RFFL: variants seen among roughly 807,000 people sequenced by gnomAD.
RFFL encodes the protein E3 ubiquitin-protein ligase rififylin.
A neutral mutation model predicts 40.4 loss-of-function variants in RFFL; 16 were observed. The ratio of observed to expected loss-of-function variants is 0.40; its 90% CI spans 0.27 to 0.60. The LOEUF (loss-of-function observed/expected upper bound fraction) is 0.60, where lower values mean the gene tolerates loss of function less well. RFFL is among the 20% of genes least tolerant of loss of function. The probability of loss-of-function intolerance (pLI) is 0.47; values close to 1 mark genes in which losing one functional copy is unlikely to be tolerated. For synonymous variants in RFFL, 154 were observed against 167.9 expected, an observed-to-expected ratio of 0.92 and a Z score of 0.64; for missense variants, 367 against 451.7, an observed-to-expected ratio of 0.81 and a Z score of 1.70.
At chr17:35,056,147 AG>A (rs1415927338) in intron 1 of RFFL, among the ~76,000 whole-genome samples, 2 of 152,052 alleles carry the variant, frequency 1.3e-5, no homozygotes, top group African/African-American at 4.8e-5. Context: ...GCCACACATC[AG>A]ACAGCACACT....
chr17:35,035,982 C>T (rs2091119577), intron 1 of RFFL, among the ~76,000 whole-genome samples: 1 of 152,034 alleles, frequency 6.6e-6, no homozygotes, highest in African/African-American at 2.4e-5. Context: ...GAATTACAGG[C>T]ATGAGCACCA....
At chr17:35,072,212 C>G (rs1236284652) in intron 1 of RFFL, among the ~76,000 whole-genome samples, 1 of 149,288 alleles carries the variant, frequency 6.7e-6, no homozygotes, top group Non-Finnish European at 1.5e-5. Flanking sequence ...GCTAGAGAGG[C>G]AGAGGTTGCA....
rs561917807 is a variant in RFFL at position 35,038,285 on chromosome 17, T to C, written c.-8-11724A>G. On this transcript the variant is annotated intron_variant, in intron 1 of 6. Coordinates refer to ENST00000394597, the MANE Select transcript of RFFL (RefSeq NM_001017368.2). ...GCCTGGATGACAGAGCAAAACTGTC[T>C]CAAAAAAAAAAAAAAAAAAAAGGAA... Among the ~76,000 whole-genome samples the C allele has an allele frequency of 1.1e-3, 53 of 49,218 alleles. No homozygotes were observed. In the South Asian group the frequency reaches 0.028, roughly 26 times the overall value. 32.3% of individuals were successfully genotyped at this position (49,218 alleles called of 152,430 possible).
chr17:35,076,546 T>C, intron 1 of RFFL, among the ~76,000 whole-genome samples: 1 of 151,704 alleles, frequency 6.6e-6, no homozygotes, highest in Non-Finnish European at 1.5e-5. Context: ...GGTGTGGTGA[T>C]GCATGCCTAT....
intron 1 of RFFL, among the ~76,000 whole-genome samples, chr17:35,043,450 TGAG>T (rs1268731118): frequency 1.3e-5 from 2 of 152,196 alleles, no homozygotes; most frequent in African/African-American, 4.8e-5. Context: ...CATGGGCTCA[TGAG>T]GATTAAATGT....
intron 1 of RFFL, among the ~76,000 whole-genome samples, chr17:35,081,101 G>A (rs797993): frequency 0.2 from 29,860 of 151,970 alleles, 3,462 homozygotes; most frequent in Admixed American, 0.27. Flanking sequence ...TTAGAGGAGA[G>A]GACAATGAAG....
At chr17:35,038,900 T>TTA (rs1308150512) in intron 1 of RFFL, among the ~76,000 whole-genome samples, 1 of 152,292 alleles carries the variant, frequency 6.6e-6, no homozygotes, top group African/African-American at 2.4e-5. Context: ...AATTAAAAGT[T>TTA]TATATGAGTG....
chr17:35,013,083 G>A (rs1161880319), intron 6 of RFFL, among the ~76,000 whole-genome samples: 1 of 152,188 alleles, frequency 6.6e-6, no homozygotes, highest in Non-Finnish European at 1.5e-5. Flanking sequence ...ACTCACTGAA[G>A]CCTCACAAAA....
chr17:35,065,996 A>G (rs538746945), upstream of RFFL, among the ~76,000 whole-genome samples: 61 of 152,210 alleles, frequency 4.0e-4, 1 homozygote, highest in South Asian at 0.012. Flanking sequence ...ATGGTGGCAT[A>G]CACCTCTAAC....
chr17:35,086,476 C>T lies in RFFL; in HGVS notation c.-9+2629G>A, dbSNP rs1597848641. ...TGGTTGACAAGAGTGAGACCCCCAT[C>T]TCAATTAAAAAAAAAAAAAAAGACT... On this transcript the variant is annotated intron_variant, in intron 1 of 6. Transcript: ENST00000315249. Among the ~76,000 whole-genome samples the T allele has an allele frequency of 9.3e-5, 5 of 53,954 alleles. No individual in the cohort carries two copies. In the South Asian group the frequency reaches 4.6e-3, roughly 50 times the overall value. The allele number at this position is 53,954 out of a possible 152,430, so 35.4% of individuals were successfully genotyped here.
At chr17:35,059,432 T>C (rs1216100912) in intron 1 of RFFL, among the ~76,000 whole-genome samples, 1 of 152,082 alleles carries the variant, frequency 6.6e-6, no homozygotes, top group Non-Finnish European at 1.5e-5. Flanking sequence ...CCTTCTTGGA[T>C]CCTCCAGCTC....
At chr17:35,048,130 C>T (rs540746390) in intron 1 of RFFL, among the ~76,000 whole-genome samples, 5 of 151,934 alleles carry the variant, frequency 3.3e-5, no homozygotes, top group Non-Finnish European at 5.9e-5. Flanking sequence ...GGGCCGGGCA[C>T]GGTGGCTCAT....
intron 1 of RFFL, among the ~76,000 whole-genome samples, chr17:35,048,267 C>A (rs1193043632): frequency 1.3e-5 from 2 of 151,720 alleles, no homozygotes; most frequent in East Asian, 4.0e-4. Flanking sequence ...CCGGGAGTGG[C>A]GGTGTGCACC....
intron 1 of RFFL, among the ~76,000 whole-genome samples, chr17:35,050,661 CAAAAAAA>C (rs1433147326): frequency 1.4e-5 from 1 of 73,866 alleles, no homozygotes; most frequent in African/African-American, 5.2e-5. Context: ...CCAGGCTCTA[CAAAAAAA>C]AAAAAAAAAT....
Position 35,087,160 on chromosome 17 carries a change from G to C in RFFL, c.-9+1945C>G, listed in dbSNP as rs954633300. 1.7e-4 allele frequency among the ~76,000 whole-genome samples: 26 copies of C among 152,070 alleles called. 1 individual carries two copies. Among genetic ancestry groups the C allele is most frequent in the Non-Finnish European group, 7.4e-5 (5 of 68,012 alleles). On this transcript the variant is annotated intron_variant, in intron 1 of 6. Transcript: ENST00000315249. ...GGATTGCTTGAGCCCAGTTCATGACGAACAACATGGCAAAACCTCATCTCT... is the reference window on the plus strand; with the variant it reads ...GGATTGCTTGAGCCCAGTTCATGACCAACAACATGGCAAAACCTCATCTCT...
chr17:35,042,609 C>T (rs1185389095), intron 1 of RFFL, among the ~76,000 whole-genome samples: 1 of 151,890 alleles, frequency 6.6e-6, no homozygotes, highest in Non-Finnish European at 1.5e-5. Context: ...ATCACCTGAG[C>T]GCCCAGGAGT....
chr17:35,088,178 C>T (rs1010696582), intron 1 of RFFL, among the ~76,000 whole-genome samples: 1 of 152,134 alleles, frequency 6.6e-6, no homozygotes, highest in South Asian at 2.1e-4. Context: ...ACATGCACCC[C>T]GGGATGTTTG....
intron 1 of RFFL, among the ~76,000 whole-genome samples, chr17:35,047,500 ATAATT>A (rs1424370331): frequency 1.3e-5 from 2 of 152,232 alleles, no homozygotes; most frequent in African/African-American, 2.4e-5. Flanking sequence ...TTGGCTGTAA[ATAATT>A]TAAAGAAAGT....
At chr17:35,012,737 G>T (rs533770980) in intron 6 of RFFL, among the ~76,000 whole-genome samples, 2 of 152,322 alleles carry the variant, frequency 1.3e-5, no homozygotes, top group South Asian at 4.1e-4. Flanking sequence ...ACTTGGCAGA[G>T]ATTACTGCTC....
Sources: allele counts gnomAD v4.1 joint callset (sites outside exome capture counted in the v4.1 genomes callset), GRCh38; gene constraint gnomAD v4.1.1; transcripts MANE v1.5; gene names NCBI Gene and HGNC (gene_info 2026-07-23, HGNC 2026-07-21).